The following LRRIQ1 variants were observed in gnomAD, a reference collection of about 807,000 sequenced individuals.
LRRIQ1 encodes the protein leucine rich repeats and IQ motif containing 1.
LRRIQ1 carries 210 observed loss-of-function variants against 211.9 expected under a neutral mutation model. That is an observed-to-expected ratio of 0.99 (90% CI 0.89 to 1.11). The LOEUF (loss-of-function observed/expected upper bound fraction) is 1.11. Among genes scored for constraint, LRRIQ1 ranks in the 50% most tolerant of loss-of-function variants. The pLI, the probability that LRRIQ1 is intolerant of heterozygous loss-of-function variation, is 0.00. For missense variants in LRRIQ1, 2,136 were observed against 1,939.5 expected (o/e 1.10, Z -1.90); for synonymous variants, 699 against 650.1 (o/e 1.08, Z -1.14).
chr12:85,116,101 A>G (rs184624973), intron 15 of LRRIQ1, among the ~76,000 whole-genome samples: 7 of 152,288 alleles, frequency 4.6e-5, no homozygotes, highest in Non-Finnish European at 4.4e-5. Flanking sequence ...CAGTGCCACA[A>G]TATTTCTTAT....
At chr12:85,109,101 G>A (rs756912459) in intron 15 of LRRIQ1, among the ~76,000 whole-genome samples, 2 of 152,264 alleles carry the variant, frequency 1.3e-5, no homozygotes, top group Non-Finnish European at 1.5e-5. Context: ...TTTCAGAGGA[G>A]TATAAGATAT....
chr12:85,217,815 A>T (rs1031893296), intron 24 of LRRIQ1, among the ~76,000 whole-genome samples: 1 of 150,748 alleles, frequency 6.6e-6, no homozygotes, highest in South Asian at 2.1e-4. Flanking sequence ...ACACACATAT[A>T]TATGTGTGTG....
At chr12:85,150,235 C>T (rs1453688394) in intron 19 of LRRIQ1, among the ~76,000 whole-genome samples, 1 of 151,768 alleles carries the variant, frequency 6.6e-6, no homozygotes, top group Non-Finnish European at 1.5e-5. Flanking sequence ...GTCTCCTTCA[C>T]ATTTTCTCAT....
intron 3 of LRRIQ1, 145 bp downstream of exon 3, chr12:85,040,746 A>G (rs1007340744): frequency 5.7e-5 from 24 of 417,788 alleles, no homozygotes; most frequent in Admixed American, 8.6e-5. Flanking sequence ...TATCTACAGT[A>G]TATTGGACTG....
In LRRIQ1 at chr12:85,064,737, C is replaced by A. The variant is rs1028588319; in HGVS notation, c.2392-525C>A. ...GAGATGGGGGTCTAGTTTCATTTTTCTGCATATGGATATCCAGTGTTTTCC... is the reference window on the plus strand; with the variant it reads ...GAGATGGGGGTCTAGTTTCATTTTTATGCATATGGATATCCAGTGTTTTCC... On this transcript the variant is annotated intron_variant, in intron 8 of 26. Coordinates refer to ENST00000393217, the MANE Select transcript of LRRIQ1 (RefSeq NM_001079910.2). Among the ~76,000 whole-genome samples the A allele has an allele frequency of 2.6e-5, 4 of 151,752 alleles. No homozygotes were observed. In the Admixed American group the frequency reaches 2.6e-4, roughly 10 times the overall value.
intron 24 of LRRIQ1, among the ~76,000 whole-genome samples, chr12:85,210,216 A>C (rs1475676101): frequency 6.6e-6 from 1 of 152,206 alleles, no homozygotes; most frequent in Non-Finnish European, 1.5e-5. Context: ...TGAATTGGTC[A>C]AAAACCACAG....
rs772139804 is a variant in LRRIQ1 at position 85,124,021 on chromosome 12, A to G, written c.3558-49A>G. On this transcript the variant is annotated intron_variant, in intron 16 of 26. Transcript: ENST00000393217. ...TTTCAAAACTTGCACAAGTTTTAAT[A>G]TTTGCTGGTACTATTCTTATTAAAT... 10 of 1,407,844 alleles carry G rather than the reference A, an allele frequency of 7.1e-6. No homozygotes were observed. The South Asian group carries it at 1.3e-4, about 18-fold the overall frequency. 87.2% of individuals were successfully genotyped at this position (1,407,844 alleles called of 1,614,324 possible).
At chr12:85,038,742 T>C (rs1197777519) in intron 2 of LRRIQ1, among the ~76,000 whole-genome samples, 1 of 151,640 alleles carries the variant, frequency 6.6e-6, no homozygotes, top group Non-Finnish European at 1.5e-5. Flanking sequence ...TGTTATGAAA[T>C]GTAGAACTAA....
At chr12:85,260,407 A>G (rs952003683) in intron 1 of LRRIQ1, among the ~76,000 whole-genome samples, 1 of 151,806 alleles carries the variant, frequency 6.6e-6, no homozygotes, top group African/African-American at 2.4e-5. Context: ...TATATTATTG[A>G]ATTAAATTTT....
chr12:85,124,423 C>T lies in LRRIQ1; in HGVS notation c.3911C>T (p.Ala1304Val). Reference sequence around the variant, plus strand: ...TGTCAGAAGAGAGAAGACAGCAAGGCAAGCAGTATTCCCACCATAAGAATC... The same window carrying T: ...TGTCAGAAGAGAGAAGACAGCAAGGTAAGCAGTATTCCCACCATAAGAATC... ...LVCQKREDSK[A>V]SSIPTIRIPF... Residue 1304 changes from alanine (A) to valine (V), a missense_variant, in exon 17 of 27, where the codon GCA (alanine) becomes GTA (valine). Ala to Val is a moderately conservative substitution (Grantham distance 64, BLOSUM62 0). Coordinates refer to ENST00000393217, the MANE Select transcript of LRRIQ1 (RefSeq NM_001079910.2). 1 of 1,613,936 alleles carries T rather than the reference C, an allele frequency of 6.2e-7. No homozygotes were observed. The highest frequency in any genetic ancestry group is 1.3e-5 in the African/African-American group (1 of 75,014).
intron 15 of LRRIQ1, among the ~76,000 whole-genome samples, chr12:85,108,376 C>A (rs1219391055): frequency 6.6e-6 from 1 of 152,098 alleles, no homozygotes; most frequent in Admixed American, 6.6e-5. Context: ...AATCCTCCCA[C>A]CTCAGTCTCC....
Position 85,124,440 on chromosome 12 carries a change from A to T in LRRIQ1, c.3928A>T (p.Ile1310Leu), listed in dbSNP as rs1888221167. The change falls in exon 17 of 27, where the codon ATA becomes TTA. Residue 1310 changes from isoleucine to leucine, a missense_variant. Physicochemically the swap from Ile to Leu is conservative, Grantham distance 5. Transcript: ENST00000393217. ...CAGCAAGGCAAGCAGTATTCCCACCATAAGAATCCCATTTAAGGAAGTAGT... is the reference window on the plus strand; with the variant it reads ...CAGCAAGGCAAGCAGTATTCCCACCTTAAGAATCCCATTTAAGGAAGTAGT... The part of the protein sequence containing the change: ...EDSKASSIPT[I>L]RIPFKEVVMT... 1 of 1,613,978 alleles carries T rather than the reference A, an allele frequency of 6.2e-7. No homozygotes were observed. The highest frequency in any genetic ancestry group is 1.7e-5 in the Admixed American group (1 of 60,024).
chr12:85,086,467 T>G (rs1473190742), intron 11 of LRRIQ1, among the ~76,000 whole-genome samples: 1 of 152,098 alleles, frequency 6.6e-6, no homozygotes, highest in Admixed American at 6.6e-5. Flanking sequence ...CCTGCTCCCC[T>G]TTTGCCTTCT....
At chr12:85,247,856 T>C (rs1422889152), downstream of LRRIQ1, among the ~76,000 whole-genome samples, 1 of 151,648 alleles carries the variant, frequency 6.6e-6, no homozygotes, top group Non-Finnish European at 1.5e-5. Context: ...ATATTTCTTT[T>C]GTTAGAAAAC....
intron 1 of LRRIQ1, among the ~76,000 whole-genome samples, chr12:85,036,708 C>T (rs1878137292): frequency 6.6e-6 from 1 of 151,470 alleles, no homozygotes; most frequent in African/African-American, 2.4e-5. Flanking sequence ...CTTCTTGTCG[C>T]CCTCCTTTCC....
At chr12:85,254,013 G>A (rs564484519) in intron 1 of LRRIQ1, among the ~76,000 whole-genome samples, 1 of 152,120 alleles carries the variant, frequency 6.6e-6, no homozygotes, top group South Asian at 2.1e-4. Context: ...TCATGGTTTA[G>A]CGGCATCTCC....
chr12:85,177,266 A>G (rs1207018900), intron 24 of LRRIQ1, among the ~76,000 whole-genome samples: 1 of 152,146 alleles, frequency 6.6e-6, no homozygotes, highest in Non-Finnish European at 1.5e-5. Flanking sequence ...ATGAGGGTAC[A>G]GTGATCAATG....
At chr12:85,139,699 T>C (rs1249127224) in intron 19 of LRRIQ1, among the ~76,000 whole-genome samples, 1 of 151,452 alleles carries the variant, frequency 6.6e-6, no homozygotes, top group Non-Finnish European at 1.5e-5. Flanking sequence ...GAAGGTGTTG[T>C]AGAGACAGAA....
At chr12:85,078,676 G>A (rs188437819) in intron 11 of LRRIQ1, among the ~76,000 whole-genome samples, 1 of 152,018 alleles carries the variant, frequency 6.6e-6, no homozygotes, top group African/African-American at 2.4e-5. Context: ...TCTTTTCATA[G>A]GTAGTAAAGC....
Sources: allele counts gnomAD v4.1 joint callset (sites outside exome capture counted in the v4.1 genomes callset), GRCh38; gene constraint gnomAD v4.1.1; transcripts MANE v1.5; gene names NCBI Gene and HGNC (gene_info 2026-07-23, HGNC 2026-07-21).